NEDD4L: variants seen among roughly 807,000 people sequenced by gnomAD.
NEDD4L encodes E3 ubiquitin-protein ligase NEDD4-like.
A neutral mutation model predicts 148.9 loss-of-function variants in NEDD4L; 54 were observed. That is an observed-to-expected ratio of 0.36 (90% CI 0.29 to 0.45). The LOEUF (loss-of-function observed/expected upper bound fraction) is 0.45, where lower values mean the gene tolerates loss of function less well. Ranked by LOEUF, NEDD4L falls within the 20% of genes least tolerant of loss-of-function variation. The pLI is 1.00. For missense variants in NEDD4L, 856 were observed against 1,233.8 expected, an observed-to-expected ratio of 0.69 and a Z score of 4.59; for synonymous variants, 433 against 440.7, an observed-to-expected ratio of 0.98 and a Z score of 0.22.
At position 58,366,281 on chromosome 18, in the gene NEDD4L, A is replaced by C; in HGVS notation, c.2063+53A>C. The C allele has an allele frequency of 7.8e-7, 1 of 1,280,990 alleles. No individual in the cohort carries two copies. The allele number at this position is 1,280,990 out of a possible 1,614,324, so 79.4% of individuals were successfully genotyped here. On this transcript the variant is annotated intron_variant, in intron 21 of 30. Transcript: ENST00000400345. This position sits in a 1 kb window ranked among gnomAD's most constrained non-coding sequence, Gnocchi z 4.2. Reference sequence around the variant, plus strand: ...GTCCCCCACTGAGACAGTTGTATGAATTTAAACAGAATGAAAGGATAAGCA... The same window carrying C: ...GTCCCCCACTGAGACAGTTGTATGACTTTAAACAGAATGAAAGGATAAGCA...
chr18:58,076,841 A>G (rs1396604497), intron 1 of NEDD4L, among the ~76,000 whole-genome samples: 3 of 151,430 alleles, frequency 2.0e-5, no homozygotes, highest in African/African-American at 7.3e-5. Flanking sequence ...GAACATTTTA[A>G]TATACCTGCT....
intron 5 of NEDD4L, among the ~76,000 whole-genome samples, chr18:58,294,301 A>G (rs2055216846): frequency 6.6e-6 from 1 of 152,172 alleles, no homozygotes; most frequent in Non-Finnish European, 1.5e-5. Context: ...AGGCTATTGA[A>G]TTTGGTTTGG....
chr18:58,177,763 A>G (rs1190087096), intron 2 of NEDD4L, among the ~76,000 whole-genome samples: 1 of 152,256 alleles, frequency 6.6e-6, no homozygotes, highest in Non-Finnish European at 1.5e-5. Context: ...TGTATTGCCA[A>G]TGTTGTATTA....
intron 5 of NEDD4L, among the ~76,000 whole-genome samples, chr18:58,293,065 T>G (rs1005617707): frequency 1.3e-5 from 2 of 152,236 alleles, no homozygotes; most frequent in Admixed American, 1.3e-4. Flanking sequence ...TTTTATCATA[T>G]CCAACTTCGT....
chr18:58,380,698 T>G (rs2048227590), intron 24 of NEDD4L, among the ~76,000 whole-genome samples: 1 of 152,148 alleles, frequency 6.6e-6, no homozygotes, highest in Non-Finnish European at 1.5e-5. Flanking sequence ...ACATTAGGTA[T>G]TTTTCTTAAT....
intron 1 of NEDD4L, among the ~76,000 whole-genome samples, chr18:58,125,637 C>A (rs1342323419): frequency 2.6e-5 from 4 of 152,150 alleles, no homozygotes; most frequent in African/African-American, 9.7e-5. Context: ...GTGCCTCATG[C>A]AGCCCAGGAA....
chr18:58,309,558 CCT>C (rs1419897714), intron 5 of NEDD4L, among the ~76,000 whole-genome samples: 1 of 151,950 alleles, frequency 6.6e-6, no homozygotes, highest in Non-Finnish European at 1.5e-5. Flanking sequence ...CTGAGCCCTG[CCT>C]GAAGGAGCTG....
intron 1 of NEDD4L, among the ~76,000 whole-genome samples, chr18:58,063,797 A>G (rs930276090): frequency 1.3e-4 from 19 of 150,156 alleles, no homozygotes; most frequent in Non-Finnish European, 2.2e-4. Context: ...CTTGTGATCC[A>G]CCCGCCTCGG....
At chr18:58,296,935 A>G (rs919178375) in intron 5 of NEDD4L, among the ~76,000 whole-genome samples, 2 of 151,912 alleles carry the variant, frequency 1.3e-5, no homozygotes, top group Non-Finnish European at 2.9e-5. Context: ...AAAAGAAAAA[A>G]AGTTAAACGA....
intron 16 of NEDD4L, among the ~76,000 whole-genome samples, chr18:58,346,144 C>T (rs924846222): frequency 2.0e-5 from 3 of 152,108 alleles, no homozygotes; most frequent in African/African-American, 7.2e-5. Context: ...ATGCTGGAGA[C>T]CAGGGGCTTG....
intron 28 of NEDD4L, among the ~76,000 whole-genome samples, chr18:58,389,689 G>A (rs997665539): frequency 1.3e-5 from 2 of 151,294 alleles, no homozygotes; most frequent in African/African-American, 4.9e-5. Flanking sequence ...TTCAGCTTAG[G>A]AGGGAAGTAA....
At chr18:58,359,915 A>G (rs1409424200) in intron 19 of NEDD4L, 1 of 152,186 alleles carries the variant, frequency 6.6e-6, no homozygotes, top group African/African-American at 2.4e-5. Flanking sequence ...GAGAGTGGTA[A>G]TATCTCTTAG....
At position 58,110,839 on chromosome 18, in the gene NEDD4L, C is replaced by CG. The variant is rs200089632; in HGVS notation, c.49-54948dup. Among the ~76,000 whole-genome samples the CG allele has an allele frequency of 6.6e-3, 1,005 of 152,254 alleles. 9 individuals are homozygous for CG. Among genetic ancestry groups the CG allele is most frequent in the African/African-American group, 0.023 (939 of 41,514 alleles). On this transcript the variant is annotated intron_variant, in intron 1 of 30. Coordinates refer to ENST00000400345, the MANE Select transcript of NEDD4L (RefSeq NM_001144967.3). ...GCCTGTGCATGTGTATGCCTTTGTGCGCAGGCAGACAAATATAGCTAGGAC... is the reference window on the plus strand; with the variant it reads ...GCCTGTGCATGTGTATGCCTTTGTGCGGCAGGCAGACAAATATAGCTAGGAC...
chr18:58,068,887 A>G (rs2082735629), intron 1 of NEDD4L, among the ~76,000 whole-genome samples: 1 of 152,196 alleles, frequency 6.6e-6, no homozygotes, highest in Non-Finnish European at 1.5e-5. Flanking sequence ...CTGTAATCCC[A>G]GCACTTTGGG....
chr18:58,268,626 G>T (rs1379642848), intron 5 of NEDD4L, among the ~76,000 whole-genome samples: 1 of 152,062 alleles, frequency 6.6e-6, no homozygotes. Flanking sequence ...AATAGAGATG[G>T]GTAGCGGAGA....
intron 5 of NEDD4L, among the ~76,000 whole-genome samples, chr18:58,262,179 C>T (rs1316860734): frequency 1.3e-5 from 2 of 152,150 alleles, no homozygotes; most frequent in East Asian, 1.9e-4. Context: ...GGCCAAAGGA[C>T]GGAATGTGTT....
At chr18:58,266,617 AAGAC>A (rs2050253883) in intron 5 of NEDD4L, among the ~76,000 whole-genome samples, 1 of 152,146 alleles carries the variant, frequency 6.6e-6, no homozygotes, top group African/African-American at 2.4e-5. Context: ...ATTAACAAGA[AAGAC>A]AGAAATGTCC....
At chr18:58,055,311 AAACT>A (rs2082042356) in intron 1 of NEDD4L, among the ~76,000 whole-genome samples, 1 of 152,164 alleles carries the variant, frequency 6.6e-6, no homozygotes, top group African/African-American at 2.4e-5. Flanking sequence ...GAAAAAAGAA[AAACT>A]AACTAGGGAT....
chr18:58,304,365 T>A (rs1323516289), intron 5 of NEDD4L, among the ~76,000 whole-genome samples: 2 of 146,026 alleles, frequency 1.4e-5, no homozygotes, highest in African/African-American at 2.6e-5. Flanking sequence ...AAAAAAAAAA[T>A]TAGCCTGATG....
Sources: allele counts gnomAD v4.1 joint callset (sites outside exome capture counted in the v4.1 genomes callset), GRCh38; gene constraint gnomAD v4.1.1; non-coding constraint Gnocchi (gnomAD v3.1); transcripts MANE v1.5; gene names NCBI Gene and HGNC (gene_info 2026-07-23, HGNC 2026-07-21).